Variants in ATP10B observed in about 807,000 individuals in gnomAD.
The protein encoded by ATP10B is ATPase phospholipid transporting 10B (putative), also known as phospholipid-transporting ATPase VB.
In ATP10B, 122 loss-of-function variants were observed where a neutral mutation model predicts 141.2. The ratio of observed to expected loss-of-function variants is 0.86; its 90% CI spans 0.75 to 1.00. ATP10B has a LOEUF of 1.00. Among genes scored for constraint, ATP10B ranks in the 50% least tolerant of loss-of-function variants. ATP10B has a pLI of 0.00. For missense variants in ATP10B, 1,876 were observed against 1,825.3 expected (o/e 1.03, Z -0.51); for synonymous variants, 685 against 692.0 (o/e 0.99, Z 0.16).
chr5:160,644,057 T>G lies in ATP10B; in HGVS notation c.868+81A>C, dbSNP rs1760087030. On this transcript the variant is annotated intron_variant, in intron 9 of 25. Transcript: ENST00000327245. Reference sequence around the variant, plus strand: ...ATGGGAAGTTACTGTGAACAGTTGTTGGTTCCCATTGACTGAAGATGGATT... The same window carrying G: ...ATGGGAAGTTACTGTGAACAGTTGTGGGTTCCCATTGACTGAAGATGGATT... 3 of 1,132,160 alleles carry G rather than the reference T, an allele frequency of 2.6e-6. No individual in the cohort carries two copies. The Admixed American group carries it at 5.2e-5, about 19-fold the overall frequency. 70.1% of individuals were successfully genotyped at this position (1,132,160 alleles called of 1,614,324 possible).
intron 2 of ATP10B, among the ~76,000 whole-genome samples, chr5:160,760,526 C>G (rs1445498680): frequency 6.6e-6 from 1 of 152,042 alleles, no homozygotes; most frequent in African/African-American, 2.4e-5. Context: ...ATTAGGATTG[C>G]CAAATTTTTT....
At chr5:160,692,455 G>T (rs1649164448) in intron 3 of ATP10B, among the ~76,000 whole-genome samples, 1 of 152,138 alleles carries the variant, frequency 6.6e-6, no homozygotes, top group African/African-American at 2.4e-5. Flanking sequence ...TAATCAGGCT[G>T]CACTTTGACC....
At chr5:160,749,050 T>A (rs1767986370) in intron 2 of ATP10B, among the ~76,000 whole-genome samples, 1 of 152,156 alleles carries the variant, frequency 6.6e-6, no homozygotes, top group African/African-American at 2.4e-5. Context: ...ACCTAGTAAA[T>A]GTCAGAGGTG....
At chr5:160,791,024 C>G (rs1030125828) in intron 1 of ATP10B, among the ~76,000 whole-genome samples, 1 of 152,092 alleles carries the variant, frequency 6.6e-6, no homozygotes, top group African/African-American at 2.4e-5. Flanking sequence ...AGCCAAGGAA[C>G]CTGGGCAGCA....
intron 2 of ATP10B, among the ~76,000 whole-genome samples, chr5:160,725,419 G>A (rs1172631001): frequency 1.3e-5 from 2 of 151,928 alleles, no homozygotes; most frequent in Non-Finnish European, 2.9e-5. Context: ...GTCTTACCTA[G>A]ATCTAATTTT....
intron 1 of ATP10B, among the ~76,000 whole-genome samples, chr5:160,818,320 C>T (rs1350107366): frequency 6.6e-6 from 1 of 152,078 alleles, no homozygotes; most frequent in African/African-American, 2.4e-5. Flanking sequence ...ACAAACAACC[C>T]CATCAAAAAG....
At chr5:160,832,282 T>A (rs73305844) in intron 1 of ATP10B, among the ~76,000 whole-genome samples, 5,855 of 152,212 alleles carry the variant, frequency 0.038, 127 homozygotes, top group South Asian at 0.088. Flanking sequence ...CTACAGTATT[T>A]GTAGTATTAT....
rs1473518603 is a variant in ATP10B at position 160,563,758 on chromosome 5, G to A, written c.*1695C>T. On this transcript the variant is annotated 3_prime_UTR_variant, in exon 26 of 26. Coordinates refer to ENST00000327245, the MANE Select transcript of ATP10B (RefSeq NM_025153.3). ...GGCTTTTAGTAGTAGCCAGAAATTG[G>A]GGGAAAAATTGAGGTACCTGAGATC... The A allele has an allele frequency of 1.3e-5, 2 of 152,082 alleles. No homozygotes were observed. Among genetic ancestry groups the A allele is most frequent in the African/African-American group, 4.8e-5 (2 of 41,418 alleles). 9.4% of individuals were successfully genotyped at this position (152,082 alleles called of 1,614,324 possible). A position where few individuals can be genotyped will look rare whatever the true frequency, so the allele number is the denominator to read the frequency against.
intron 2 of ATP10B, among the ~76,000 whole-genome samples, chr5:160,755,877 A>ATATATATATATT: frequency 8.8e-6 from 1 of 114,108 alleles, no homozygotes; most frequent in African/African-American, 4.4e-5. Flanking sequence ...ATATATATAT[A>ATATATATATATT]TTATAATTTT....
intron 2 of ATP10B, among the ~76,000 whole-genome samples, chr5:160,783,346 A>G (rs1387061082): frequency 7.4e-5 from 11 of 148,084 alleles, no homozygotes; most frequent in Non-Finnish European, 1.5e-4. Context: ...AATGCTGTTA[A>G]TTCATTCCTT....
In ATP10B at chr5:160,800,553, GT is replaced by G. The variant is rs550737401; in HGVS notation, c.-575-14751del. Among the ~76,000 whole-genome samples the G allele has an allele frequency of 1.4e-3, 213 of 152,354 alleles. 1 individual carries two copies. Among genetic ancestry groups the G allele is most frequent in the Non-Finnish European group, 1.6e-3 (108 of 68,038 alleles). Reference sequence around the variant, plus strand: ...GCCATTGTTAGGGTTATAATCTGGAGTTCTAACTACAGTGTTTTGTACAAAG... The same window carrying G: ...GCCATTGTTAGGGTTATAATCTGGAGTCTAACTACAGTGTTTTGTACAAAG... On this transcript the variant is annotated intron_variant, in intron 1 of 25. Transcript: ENST00000327245.
chr5:160,674,182 G>A (rs528178423), intron 6 of ATP10B, among the ~76,000 whole-genome samples: 2 of 152,220 alleles, frequency 1.3e-5, no homozygotes, highest in African/African-American at 4.8e-5. Flanking sequence ...GAGCAAACTG[G>A]TTTTGATAAA....
intron 1 of ATP10B, among the ~76,000 whole-genome samples, chr5:160,807,992 T>C (rs1191612362): frequency 1.3e-5 from 2 of 152,230 alleles, no homozygotes; most frequent in South Asian, 2.1e-4. Context: ...TTCTCATTAA[T>C]GAATGCTATC....
chr5:160,614,483 T>C (rs978740416), intron 17 of ATP10B: 15 of 152,234 alleles, frequency 9.9e-5, no homozygotes, highest in African/African-American at 3.6e-4. Context: ...GGAGCCTGAA[T>C]GGGATGACTT....
intron 1 of ATP10B, among the ~76,000 whole-genome samples, chr5:160,807,363 T>G (rs924607111): frequency 1.3e-5 from 2 of 152,182 alleles, no homozygotes; most frequent in African/African-American, 4.8e-5. Context: ...GATTACCTAT[T>G]CAAAATGGAC....
chr5:160,903,497 C>T, the ATP10B span, among the ~76,000 whole-genome samples: 2 of 152,210 alleles, frequency 1.3e-5, no homozygotes, highest in Non-Finnish European at 2.9e-5. Context: ...AGAGCATTTA[C>T]TCTGTAAATG....
chr5:160,676,495 G>A (rs1021078780), intron 6 of ATP10B, among the ~76,000 whole-genome samples: 5 of 152,104 alleles, frequency 3.3e-5, no homozygotes, highest in South Asian at 4.2e-4. Context: ...CCTAATTGTC[G>A]TGTGCATCTT....
At chr5:160,673,533 G>GTTT (rs34256429) in intron 6 of ATP10B, among the ~76,000 whole-genome samples, 1 of 150,110 alleles carries the variant, frequency 6.7e-6, no homozygotes, top group Non-Finnish European at 1.5e-5. Flanking sequence ...ATTTTGTTTT[G>GTTT]TTTTTTTTTT....
At chr5:160,838,934 TAA>T (rs947619410) in intron 1 of ATP10B, among the ~76,000 whole-genome samples, 2 of 152,096 alleles carry the variant, frequency 1.3e-5, no homozygotes, top group Non-Finnish European at 1.5e-5. Context: ...TCTGGTTACT[TAA>T]AAGAGTCTGG....
Sources: allele counts gnomAD v4.1 joint callset (sites outside exome capture counted in the v4.1 genomes callset), GRCh38; gene constraint gnomAD v4.1.1; transcripts MANE v1.5; gene names NCBI Gene and HGNC (gene_info 2026-07-23, HGNC 2026-07-21).